DNAH3: variants seen among roughly 807,000 people sequenced by gnomAD.
The protein encoded by DNAH3 is axonemal beta dynein heavy chain 3.
In DNAH3, 332 loss-of-function variants were observed where a neutral mutation model predicts 432.5. The observed-to-expected ratio is 0.77, with a 90% CI of 0.70 to 0.84. DNAH3 has a LOEUF of 0.84. DNAH3 is among the 40% of genes least tolerant of loss of function. The probability of loss-of-function intolerance (pLI) is 0.00; values close to 1 mark genes in which losing one functional copy is unlikely to be tolerated. For synonymous variants in DNAH3, 1,956 were observed against 1,900.2 expected (o/e 1.03, Z -0.76); for missense variants, 4,861 against 5,114.0 (o/e 0.95, Z 1.51).
chr16:21,082,236 G>T (rs1253321721), intron 19 of DNAH3, among the ~76,000 whole-genome samples: 1 of 151,468 alleles, frequency 6.6e-6, no homozygotes, highest in Admixed American at 6.6e-5. Context: ...TGTTGCCCAG[G>T]CTGAAGTGCA....
chr16:21,054,305 T>A, intron 28 of DNAH3, 115 bp downstream of exon 28: 1 of 747,540 alleles, frequency 1.3e-6, no homozygotes, highest in Non-Finnish European at 2.2e-6. Context: ...TGGAGAAAGC[T>A]CTCCCTAATG....
intron 41 of DNAH3, among the ~76,000 whole-genome samples, chr16:21,009,451 T>G (rs2087473415): frequency 6.6e-6 from 1 of 152,194 alleles, no homozygotes; most frequent in African/African-American, 2.4e-5. Context: ...AATTTTTATT[T>G]AATAGAATAG....
chr16:20,957,516 A>G (rs2043732673), intron 54 of DNAH3, among the ~76,000 whole-genome samples: 1 of 152,080 alleles, frequency 6.6e-6, no homozygotes, highest in Non-Finnish European at 1.5e-5. Flanking sequence ...CTGCCCTGGT[A>G]TAAGAGAATC....
chr16:21,048,897 TTGGCCAGGCTGG>T (rs1250162097), intron 31 of DNAH3, among the ~76,000 whole-genome samples: 1 of 152,110 alleles, frequency 6.6e-6, no homozygotes, highest in Non-Finnish European at 1.5e-5. Context: ...TTTCACCATG[TTGGCCAGGCTGG>T]TCTTGAACTC....
At chr16:21,100,671 T>C (rs551897514) in intron 16 of DNAH3, among the ~76,000 whole-genome samples, 29 of 152,326 alleles carry the variant, frequency 1.9e-4, no homozygotes, top group African/African-American at 6.5e-4. Context: ...GAGTCATCCA[T>C]CGTGTAAATA....
intron 23 of DNAH3, among the ~76,000 whole-genome samples, chr16:21,067,757 T>TGAGGGGGGGGTG (rs1469229191): frequency 6.7e-5 from 2 of 29,800 alleles, no homozygotes; most frequent in African/African-American, 1.7e-4. Flanking sequence ...AAGCCAGTCT[T>TGAGGGGGGGGTG]GGGGGGGGGG....
chr16:21,041,591 G>C (rs2089444890), intron 32 of DNAH3, among the ~76,000 whole-genome samples: 1 of 152,162 alleles, frequency 6.6e-6, no homozygotes, highest in African/African-American at 2.4e-5. Flanking sequence ...GCGTAGCTGG[G>C]TCTCTCTTAT....
At position 20,933,515 on chromosome 16, in the gene DNAH3, A is replaced by G; in HGVS notation, c.11998-8T>C. ...TGTTTCTTGTGGGGTTACCTGGAAG[A>G]ATAAAAAGCTATGAGCTCCATTGCC... On this transcript the variant is annotated splice_region_variant and splice_polypyrimidine_tract_variant and intron_variant, in intron 61 of 61. Coordinates refer to ENST00000261383, the Ensembl canonical transcript of DNAH3. The G allele has an allele frequency of 1.3e-6, 2 of 1,563,658 alleles. No individual in the cohort carries two copies. The highest frequency in any genetic ancestry group is 1.7e-6 in the Non-Finnish European group (2 of 1,155,262).
At position 21,000,571 on chromosome 16, in the gene DNAH3, G is replaced by T. The variant is rs1001153981; in HGVS notation, c.6127-53C>A. ...CGGTTGTGGGCCCAGGAAGCTGGAGGTCTTGGCATTCAAGAGACCTGGGTT... is the reference window on the plus strand; with the variant it reads ...CGGTTGTGGGCCCAGGAAGCTGGAGTTCTTGGCATTCAAGAGACCTGGGTT... On this transcript the variant is annotated intron_variant, in intron 42 of 61. Coordinates refer to ENST00000261383, the Ensembl canonical transcript of DNAH3. The T allele has an allele frequency of 3.1e-5, 47 of 1,507,706 alleles. No individual in the cohort carries two copies. In the African/African-American group the frequency reaches 5.1e-4, roughly 17 times the overall value. 93.4% of individuals were successfully genotyped at this position (1,507,706 alleles called of 1,614,324 possible).
chr16:21,035,115 T>C (rs2089099041), intron 35 of DNAH3, among the ~76,000 whole-genome samples: 1 of 152,078 alleles, frequency 6.6e-6, no homozygotes, highest in South Asian at 2.1e-4. Context: ...TCATTTGAGG[T>C]CAGGAGTTTG....
exon 55 of DNAH3, chr16:20,955,040 T>C (rs34051490): frequency 0.086 from 137,680 of 1,608,946 alleles, 6,630 homozygotes; most frequent in East Asian, 0.17. Flanking sequence ...CTCTGATGGA[T>C]AGCTGGTTAG....
chr16:20,954,657 G>A (rs1481796848), intron 55 of DNAH3, among the ~76,000 whole-genome samples, 156 bp downstream of exon 55: 1 of 152,126 alleles, frequency 6.6e-6, no homozygotes. Context: ...AAATCATTTA[G>A]TATAAGTATG....
chr16:21,054,377 C>T (rs777416372), intron 28 of DNAH3, 43 bp downstream of exon 28: 1 of 1,442,506 alleles, frequency 6.9e-7, no homozygotes. Flanking sequence ...TAGACTGCTT[C>T]TCCTGGATAG....
At chr16:20,962,364 A>C (rs569347567) in intron 53 of DNAH3, among the ~76,000 whole-genome samples, 1 of 152,260 alleles carries the variant, frequency 6.6e-6, no homozygotes, top group Non-Finnish European at 1.5e-5. Flanking sequence ...TTTTAATTTA[A>C]TTGGCCAAAG....
At chr16:20,963,164 T>C (rs1410872725) in intron 53 of DNAH3, 120 bp downstream of exon 53, 3 of 975,514 alleles carry the variant, frequency 3.1e-6, no homozygotes, top group Non-Finnish European at 3.0e-6. Flanking sequence ...CCTCAGCCTA[T>C]GAACCACCTG....
At chr16:21,027,081 C>T (rs2088607599) in exon 38 of DNAH3, 5 of 1,613,726 alleles carry the variant, frequency 3.1e-6, no homozygotes, top group South Asian at 1.1e-5. Flanking sequence ...GAAGATCAGG[C>T]TCATCTTGGA....
exon 43 of DNAH3, chr16:21,000,361 G>A (rs747816350): frequency 3.1e-5 from 50 of 1,614,062 alleles, no homozygotes; most frequent in African/African-American, 4.0e-5. Context: ...GGGTAGGTAC[G>A]TATTTTTGGG....
intron 1 of DNAH3, among the ~76,000 whole-genome samples, chr16:21,152,316 T>C (rs185970425): frequency 2.4e-4 from 36 of 152,354 alleles, no homozygotes; most frequent in East Asian, 1.3e-3. Flanking sequence ...ACTGATACAA[T>C]TGGAACCTGT....
At chr16:21,035,127 G>C (rs537728639) in intron 35 of DNAH3, among the ~76,000 whole-genome samples, 2 of 152,260 alleles carry the variant, frequency 1.3e-5, no homozygotes, top group African/African-American at 4.8e-5. Flanking sequence ...AGGAGTTTGA[G>C]ACCAGCCTGG....
Sources: gnomAD v4.1 joint callset for allele counts (sites outside exome capture counted in the v4.1 genomes callset) on GRCh38, gnomAD v4.1.1 for gene constraint, MANE v1.5 for transcripts, NCBI Gene and HGNC (gene_info 2026-07-23, HGNC 2026-07-21) for gene names.